Variants in CSDC2 observed in about 807,000 individuals in gnomAD.
The protein encoded by CSDC2 is cold shock domain-containing protein C2.
In CSDC2, 8 loss-of-function variants were observed where a neutral mutation model predicts 15.8. The ratio of observed to expected loss-of-function variants is 0.51; its 90% CI spans 0.30 to 0.92. CSDC2 has a LOEUF of 0.92. CSDC2 is among the 40% of genes least tolerant of loss of function. The probability of loss-of-function intolerance (pLI) is 0.07; values close to 1 mark genes in which losing one functional copy is unlikely to be tolerated. For missense variants in CSDC2, 195 were observed against 213.3 expected (o/e 0.91, Z 0.53); for synonymous variants, 96 against 92.3 (o/e 1.04, Z -0.23).
At chr22:41,571,039 TA>T (rs1300437076) in intron 1 of CSDC2, among the ~76,000 whole-genome samples, 2 of 134,900 alleles carry the variant, frequency 1.5e-5, no homozygotes, top group African/African-American at 5.6e-5. Flanking sequence ...GAACAGAAAA[TA>T]AGAGTCAGAA....
At chr22:41,563,170 A>G (rs1233666478) in intron 1 of CSDC2, among the ~76,000 whole-genome samples, 1 of 152,156 alleles carries the variant, frequency 6.6e-6, no homozygotes, top group African/African-American at 2.4e-5. Context: ...GCCCTCATGC[A>G]CAGACGCAGG....
chr22:41,575,004 C>A lies in CSDC2; in HGVS notation c.*109C>A. ...CCCTGGCTGATGAGTCCTTCGGTGG[C>A]CTCAGTGTGCACGTCTGTCTGTCCG... On this transcript the variant is annotated 3_prime_UTR_variant, in exon 4 of 4. Coordinates refer to ENST00000306149, the MANE Select transcript of CSDC2 (RefSeq NM_014460.4). 7.9e-7 allele frequency: 1 copy of A among 1,261,858 alleles called. No homozygotes were observed. The highest frequency in any genetic ancestry group is 1.1e-6 in the Non-Finnish European group (1 of 918,052). 78.2% of individuals were successfully genotyped at this position (1,261,858 alleles called of 1,614,324 possible). A position where few individuals can be genotyped will look rare whatever the true frequency, so the allele number is the denominator to read the frequency against.
At chr22:41,574,656 C>A (rs1314640303) in intron 3 of CSDC2, 77 bp from the exon 4 acceptor site, 2 of 1,534,370 alleles carry the variant, frequency 1.3e-6, no homozygotes, top group East Asian at 2.3e-5. Flanking sequence ...GGCCAGGCTG[C>A]CCCCAAGGCC....
Position 41,572,124 on chromosome 22 carries a change from G to T in CSDC2, c.159G>T (p.Arg53=). 2 of 1,334,178 alleles carry T rather than the reference G, an allele frequency of 1.5e-6. No individual in the cohort carries two copies. The highest frequency in any genetic ancestry group is 2.6e-5 in the South Asian group (1 of 39,148). The allele number at this position is 1,334,178 out of a possible 1,614,324, so 82.6% of individuals were successfully genotyped here. A position where few individuals can be genotyped will look rare whatever the true frequency, so the allele number is the denominator to read the frequency against. ...TACCCAGCCCTCTGCCCACCAAGCG[G>T]ACCAGGACCTATTCAGCGTGAGTAC... ...RDLPSPLPTK[R]TRTYSATARA... is the part of the protein sequence containing the mutation. Residue 53 remains arginine, a synonymous_variant, in exon 2 of 4, where the codon CGG becomes CGT. Coordinates refer to ENST00000306149, the MANE Select transcript of CSDC2 (RefSeq NM_014460.4).
chr22:41,564,453 G>C (rs1405730874), intron 1 of CSDC2, among the ~76,000 whole-genome samples: 1 of 151,894 alleles, frequency 6.6e-6, no homozygotes, highest in African/African-American at 2.4e-5. Flanking sequence ...GCAGAGACGG[G>C]GTTTCACCGT....
intron 1 of CSDC2, among the ~76,000 whole-genome samples, chr22:41,568,335 CTG>C (rs2067127430): frequency 6.6e-6 from 1 of 151,764 alleles, no homozygotes; most frequent in African/African-American, 2.4e-5. Context: ...CCAGGCTGCA[CTG>C]CAGAGGCGTG....
In CSDC2 at chr22:41,573,699, A is replaced by G; in HGVS notation, c.221A>G (p.Lys74Arg). The G allele has an allele frequency of 6.2e-7, 1 of 1,613,822 alleles. No homozygotes were observed. Among genetic ancestry groups the G allele is most frequent in the Non-Finnish European group, 8.5e-7 (1 of 1,179,924 alleles). Residue 74 changes from lysine (K) to arginine (R), a missense_variant, in exon 3 of 4, where the codon AAG (lysine) becomes AGG (arginine). Transcript: ENST00000306149. ...GGCCCCGTGTTCAAGGGCGTCTGTA[A>G]GCAGTTCTCACGCTCACAGGGCCAT... The part of the protein sequence containing the change: ...SAGPVFKGVC[K>R]QFSRSQGHGF...
At chr22:41,573,505 C>A in intron 2 of CSDC2, 150 bp from the exon 3 acceptor site, 1 of 892,882 alleles carries the variant, frequency 1.1e-6, no homozygotes, top group South Asian at 1.7e-5. Flanking sequence ...GCCTCATTAT[C>A]GTTGAATGGG....
At chr22:41,573,396 C>G (rs1601998892) in intron 2 of CSDC2, among the ~76,000 whole-genome samples, 2 of 151,984 alleles carry the variant, frequency 1.3e-5, no homozygotes, top group South Asian at 4.2e-4. Context: ...GGGAGTCTCC[C>G]TATGTTGTCC....
chr22:41,562,105 C>T (rs898767039), intron 1 of CSDC2, among the ~76,000 whole-genome samples: 1 of 152,090 alleles, frequency 6.6e-6, no homozygotes, highest in African/African-American at 2.4e-5. Flanking sequence ...TCCACTGGGG[C>T]TGGGGTAGGA....
In CSDC2 at chr22:41,573,636, C is replaced by A. The variant is rs1293160659; in HGVS notation, c.177-19C>A. 6.2e-7 allele frequency: 1 copy of A among 1,601,876 alleles called. No individual in the cohort carries two copies. Among genetic ancestry groups the A allele is most frequent in the South Asian group, 1.1e-5 (1 of 90,768 alleles). On this transcript the variant is annotated intron_variant, in intron 2 of 3. Coordinates refer to ENST00000306149, the MANE Select transcript of CSDC2 (RefSeq NM_014460.4). ...GAGTTCCTCAGGCCACAGCTCCAAT[C>A]CCACTACCCTATCTCCAGGACAGCC...
At chr22:41,573,841 A>G (rs571861996) in intron 3 of CSDC2, 64 bp downstream of exon 3, 59 of 1,557,606 alleles carry the variant, frequency 3.8e-5, no homozygotes, top group Non-Finnish European at 4.8e-5. Context: ...TGCCTCAAAA[A>G]TGGCTCTCCA....
chr22:41,564,415 C>T (rs976034927), intron 1 of CSDC2, among the ~76,000 whole-genome samples: 1 of 151,820 alleles, frequency 6.6e-6, no homozygotes, highest in Non-Finnish European at 1.5e-5. Context: ...TGCCTGCCAC[C>T]ACGCCCAGTT....
At chr22:41,567,884 T>G (rs959460636) in intron 1 of CSDC2, among the ~76,000 whole-genome samples, 9 of 152,210 alleles carry the variant, frequency 5.9e-5, no homozygotes, top group African/African-American at 2.2e-4. Context: ...TGTGGAGCTT[T>G]GAGGGGTGGG....
chr22:41,574,052 G>A (rs955962484), intron 3 of CSDC2, among the ~76,000 whole-genome samples: 13 of 152,218 alleles, frequency 8.5e-5, no homozygotes, highest in Admixed American at 6.5e-5. Context: ...GCCAGCTCCT[G>A]AGCCTCTTGG....
intron 2 of CSDC2, among the ~76,000 whole-genome samples, chr22:41,572,355 CCCACCCACCCACCCACCCA>C (rs2067149837): frequency 7.9e-5 from 3 of 37,932 alleles, no homozygotes; most frequent in African/African-American, 1.1e-4. Flanking sequence ...CACCCACCCA[CCCACCCACCCACCCACCCA>C]CCCACCCACC....
At chr22:41,572,857 C>T (rs1204071029) in intron 2 of CSDC2, among the ~76,000 whole-genome samples, 1 of 152,126 alleles carries the variant, frequency 6.6e-6, no homozygotes, top group Non-Finnish European at 1.5e-5. Context: ...GGGAGTAATA[C>T]GGGTCCATAT....
intron 1 of CSDC2, among the ~76,000 whole-genome samples, chr22:41,568,027 G>A (rs572550679): frequency 4.0e-5 from 6 of 151,760 alleles, no homozygotes; most frequent in Admixed American, 2.0e-4. Flanking sequence ...GCAGGCTCTC[G>A]CCCAGCGCCC....
Position 41,574,849 on chromosome 22 carries a change from C to G in CSDC2, c.416C>G (p.Pro139Arg). The G allele has an allele frequency of 6.2e-7, 1 of 1,610,278 alleles. No individual in the cohort carries two copies. Among genetic ancestry groups the G allele is most frequent in the African/African-American group, 1.3e-5 (1 of 74,996 alleles). Residue 139 changes from proline (P) to arginine (R), a missense_variant, in exon 4 of 4, where the codon CCC becomes CGC. Pro to Arg is a moderately radical substitution (Grantham distance 103, BLOSUM62 -2). Coordinates refer to ENST00000306149, the MANE Select transcript of CSDC2 (RefSeq NM_014460.4). ...GAGGTGGTGCTCACTCAGCTGGCCC[C>G]CCACACTCCCCACGAGACGTGGTCT... ...AVEVVLTQLA[P>R]HTPHETWSGQ...
Sources: allele counts gnomAD v4.1 joint callset (sites outside exome capture counted in the v4.1 genomes callset), GRCh38; gene constraint gnomAD v4.1.1; transcripts MANE v1.5; gene names NCBI Gene and HGNC (gene_info 2026-07-23, HGNC 2026-07-21).